KIAA1217: variants seen among roughly 807,000 people sequenced by gnomAD.
KIAA1217 encodes sickle tail protein homolog.
A neutral mutation model predicts 163.9 loss-of-function variants in KIAA1217; 88 were observed. That is an observed-to-expected ratio of 0.54 (90% confidence interval 0.45 to 0.64). The LOEUF (loss-of-function observed/expected upper bound fraction) is 0.64. Among genes scored for constraint, KIAA1217 ranks in the 30% least tolerant of loss-of-function variants. The pLI, the probability that KIAA1217 is intolerant of heterozygous loss-of-function variation, is 0.00. For synonymous variants in KIAA1217, 903 were observed against 923.1 expected, an observed-to-expected ratio of 0.98 and a Z score of 0.39; for missense variants, 2,372 against 2,475.0, an observed-to-expected ratio of 0.96 and a Z score of 0.88.
At chr10:24,195,323 C>T (rs767373856) in intron 2 of KIAA1217, among the ~76,000 whole-genome samples, 5 of 152,156 alleles carry the variant, frequency 3.3e-5, no homozygotes, top group Non-Finnish European at 7.3e-5. Context: ...CAGACCCTGA[C>T]CGAGAAAACC....
chr10:24,524,944 GGGTGAGACACCTGGCCTGTAGGAA>G (rs1197949940), intron 13 of KIAA1217, among the ~76,000 whole-genome samples, 180 bp downstream of exon 13: 9,735 of 117,942 alleles, frequency 0.083, 625 homozygotes, highest in African/African-American at 0.17. Flanking sequence ...TTTCAGAGAA[GGGTGAGACACCTGGCCTGTAGGAA>G]GGTGAGACAC....
At chr10:24,489,438 T>C (rs1419696465) in intron 6 of KIAA1217, among the ~76,000 whole-genome samples, 1 of 152,114 alleles carries the variant, frequency 6.6e-6, no homozygotes, top group African/African-American at 2.4e-5. Flanking sequence ...CAGCTTCATA[T>C]GCTACTGACT....
At position 23,695,048 on chromosome 10, in the gene KIAA1217, G is replaced by C. The variant is rs980531361; in HGVS notation, c.-507G>C. 2 of 152,240 alleles carry C rather than the reference G, an allele frequency of 1.3e-5. No individual in the cohort carries two copies. The highest frequency in any genetic ancestry group is 2.9e-5 in the Non-Finnish European group (2 of 68,110). The allele number at this position is 152,240 out of a possible 1,614,324, so 9.4% of individuals were successfully genotyped here. On this transcript the variant is annotated 5_prime_UTR_variant, in exon 1 of 19. Transcript: ENST00000376462. The surrounding 1 kb of genome is among the most constrained non-coding windows in gnomAD (Gnocchi z 4.9). The stretch of plus-strand genomic sequence containing the variant: ...CACCACTCGGCTGGCAGCCGCGAGC[G>C]GCGGCCGAACCTCGGCCCCAGACTC...
rs1842645455 is a variant in KIAA1217 at position 23,916,756 on chromosome 10, G to A, written c.-320-90469G>A. 4.6e-5 allele frequency among the ~76,000 whole-genome samples: 7 copies of A among 151,800 alleles called. No homozygotes were observed. In the South Asian group the frequency reaches 1.5e-3, roughly 32 times the overall value. ...AGGGAGGCTGAGGCGGGCAGATCAC[G>A]AGGTCAGAAGATCAAGACCACCCTG... On this transcript the variant is annotated intron_variant, in intron 1 of 18. Transcript: ENST00000376462.
At chr10:24,310,039 G>T (rs2042505565) in intron 2 of KIAA1217, among the ~76,000 whole-genome samples, 1 of 152,120 alleles carries the variant, frequency 6.6e-6, no homozygotes, top group East Asian at 1.9e-4. Flanking sequence ...TCACGTGTTG[G>T]TGCTATCACC....
intron 1 of KIAA1217, among the ~76,000 whole-genome samples, chr10:23,992,607 CTTTTT>C (rs368335847): frequency 1.6e-5 from 2 of 127,920 alleles, no homozygotes; most frequent in Non-Finnish European, 1.7e-5. Context: ...GCCATCATTT[CTTTTT>C]TTTTTTTTTT....
At chr10:23,728,381 A>G (rs889499382) in intron 1 of KIAA1217, among the ~76,000 whole-genome samples, 1 of 152,118 alleles carries the variant, frequency 6.6e-6, no homozygotes, top group East Asian at 1.9e-4. Flanking sequence ...ATGGTATCTC[A>G]TTGTGGTTTT....
At chr10:23,879,932 T>C (rs1840877557) in intron 1 of KIAA1217, among the ~76,000 whole-genome samples, 1 of 151,834 alleles carries the variant, frequency 6.6e-6, no homozygotes, top group Admixed American at 6.6e-5. Flanking sequence ...GCATGGCCAG[T>C]TGCTCCACAT....
At position 24,066,459 on chromosome 10, in the gene KIAA1217, T is replaced by G. The variant is rs867087065; in HGVS notation, c.-171+59085T>G. Among the ~76,000 whole-genome samples the G allele has an allele frequency of 6.5e-4, 99 of 152,324 alleles. 1 individual carries two copies. The highest frequency in any genetic ancestry group is 2.3e-3 in the African/African-American group (96 of 41,570). On this transcript the variant is annotated intron_variant, in intron 2 of 18. Transcript: ENST00000376462. ...TGAAAATTCTTTTCTTTAATAATGT[T>G]GAATATTGGCCCCCACTCCCTTCTG...
intron 2 of KIAA1217, among the ~76,000 whole-genome samples, chr10:24,331,948 T>A (rs1383396188): frequency 2.0e-5 from 3 of 152,098 alleles, no homozygotes; most frequent in African/African-American, 7.2e-5. Context: ...TACAGGCGCG[T>A]GCCACCATGC....
chr10:24,073,298 G>A (rs1332352983), intron 2 of KIAA1217, among the ~76,000 whole-genome samples: 1 of 152,036 alleles, frequency 6.6e-6, no homozygotes, highest in African/African-American at 2.4e-5. Flanking sequence ...TGGGCGGCTG[G>A]GGCAGGCATG....
Position 24,494,598 on chromosome 10 carries a change from C to A in KIAA1217, c.1778C>A (p.Ala593Glu). Residue 593 changes from alanine (A) to glutamate (E), a missense_variant, in exon 7 of 21, where the codon GCG (alanine) becomes GAG (glutamate). This residue lies in a region of KIAA1217 where 1,431 missense variants were observed against 1,470.3 expected (regional missense o/e 0.97). Transcript: ENST00000376454. ...CCCATTACAAGTTATAGCAAAGATGCGTCTAGGTAAAAAAGAAGAAAGCCA... is the reference window on the plus strand; with the variant it reads ...CCCATTACAAGTTATAGCAAAGATGAGTCTAGGTAAAAAAGAAGAAAGCCA... ...KGPITSYSKD[A>E]SSEKMMKTTA... 1 of 1,598,288 alleles carries A rather than the reference C, an allele frequency of 6.3e-7. No homozygotes were observed. The highest frequency in any genetic ancestry group is 8.6e-7 in the Non-Finnish European group (1 of 1,169,250).
chr10:24,038,486 G>A (rs1343498238), intron 2 of KIAA1217, among the ~76,000 whole-genome samples: 3 of 152,124 alleles, frequency 2.0e-5, no homozygotes, highest in Non-Finnish European at 4.4e-5. Flanking sequence ...TGGTGTTCTC[G>A]GGCAGGTTCC....
At chr10:24,262,644 AAG>A (rs1217404312) in intron 2 of KIAA1217, among the ~76,000 whole-genome samples, 19 of 151,906 alleles carry the variant, frequency 1.3e-4, no homozygotes, top group Non-Finnish European at 2.6e-4. Flanking sequence ...AAAAAAAAAA[AAG>A]AGTCAATATT....
intron 2 of KIAA1217, among the ~76,000 whole-genome samples, chr10:24,029,581 G>T (rs572847498): frequency 6.6e-6 from 1 of 152,248 alleles, no homozygotes; most frequent in South Asian, 2.1e-4. Context: ...TACTAGCAAG[G>T]ATTCTGAAGC....
rs1176247725 is a variant in KIAA1217 at position 24,521,026 on chromosome 10, TAA to T, written c.2309-742_2309-741del. The stretch of plus-strand genomic sequence containing the variant: ...AGGAAACATAACAAAACCCCATCTC[TAA>T]AAAAAAAAAAAAAGTTTTTTTTTTT... On this transcript the variant is annotated intron_variant, in intron 11 of 20. Transcript: ENST00000376454. 1.2e-4 allele frequency among the ~76,000 whole-genome samples: 11 copies of T among 88,810 alleles called. 1 individual carries two copies. The highest frequency in any genetic ancestry group is 8.0e-4 in the South Asian group (2 of 2,514). 58.3% of individuals were successfully genotyped at this position (88,810 alleles called of 152,430 possible).
intron 1 of KIAA1217, among the ~76,000 whole-genome samples, chr10:23,992,530 C>T (rs1190673923): frequency 2.0e-5 from 3 of 152,024 alleles, no homozygotes; most frequent in Non-Finnish European, 4.4e-5. Flanking sequence ...AGGTTGAAGA[C>T]CCCCCAGGAT....
intron 2 of KIAA1217, among the ~76,000 whole-genome samples, chr10:24,043,884 C>A (rs1425729412): frequency 6.6e-6 from 1 of 151,900 alleles, no homozygotes; most frequent in Non-Finnish European, 1.5e-5. Flanking sequence ...AAATAATTTT[C>A]TTTGATAAAA....
At chr10:23,730,197 G>A (rs2225780) in intron 1 of KIAA1217, among the ~76,000 whole-genome samples, 27,376 of 152,042 alleles carry the variant, frequency 0.18, 2,578 homozygotes, top group Middle Eastern at 0.26. Context: ...CACCATGCCC[G>A]GCTTCTATGA....
Sources: gnomAD v4.1 joint callset for allele counts (sites outside exome capture counted in the v4.1 genomes callset) on GRCh38, gnomAD v4.1.1 for gene constraint, gnomAD v4.1.1 regional missense constraint, Gnocchi (gnomAD v3.1) non-coding constraint, MANE v1.5 for transcripts, NCBI Gene and HGNC (gene_info 2026-07-23, HGNC 2026-07-21) for gene names.